The following MACF1 variants were observed in gnomAD, a reference collection of about 807,000 sequenced individuals.
MACF1 encodes the protein microtubule actin crosslinking factor 1.
In MACF1, 193 loss-of-function variants were observed where a neutral mutation model predicts 854.8. That is an observed-to-expected ratio of 0.23 (90% CI 0.20 to 0.25). The LOEUF is 0.25. MACF1 is among the 10% of genes least tolerant of loss of function. MACF1 has a pLI of 1.00. For synonymous variants in MACF1, 3,185 were observed against 3,226.7 expected, an observed-to-expected ratio of 0.99 and a Z score of 0.44; for missense variants, 7,722 against 8,929.1, an observed-to-expected ratio of 0.86 and a Z score of 5.45.
At chr1:39,297,147 C>T (rs559320099) in intron 20 of MACF1, among the ~76,000 whole-genome samples, 68 of 152,066 alleles carry the variant, frequency 4.5e-4, no homozygotes, top group Non-Finnish European at 8.2e-4. Context: ...AAGAAGGTCT[C>T]GATCTCCTGA....
chr1:39,445,153 T>C (rs1644199247), intron 80 of MACF1, among the ~76,000 whole-genome samples: 1 of 152,164 alleles, frequency 6.6e-6, no homozygotes, highest in Non-Finnish European at 1.5e-5. Flanking sequence ...GGTTGAGAGA[T>C]TGGGGACAGG....
Position 39,293,532 on chromosome 1 carries a change from C to A in MACF1, c.2067C>A (p.Ile689=), listed in dbSNP as rs749950701. The part of the protein sequence containing the change: ...KFVSRATAEL[I]WLNEKEEEEL... ...TTTCCAGAGCTACAGCTGAGTTGAT[C>A]TGGTTGAATGAGAAGGAGGAGGAGG... is the stretch of plus-strand genomic sequence containing the variant. Residue 689 remains isoleucine, a synonymous_variant, in exon 18 of 101, where the codon ATC becomes ATA. Transcript: ENST00000564288. 45 of 1,613,884 alleles carry A rather than the reference C, an allele frequency of 2.8e-5. No homozygotes were observed. The highest frequency in any genetic ancestry group is 3.5e-5 in the Non-Finnish European group (41 of 1,179,922).
chr1:39,202,689 C>T (rs1026902862), upstream of MACF1, among the ~76,000 whole-genome samples: 1 of 151,674 alleles, frequency 6.6e-6, no homozygotes, highest in Non-Finnish European at 1.5e-5. Flanking sequence ...ATCTCCTCTT[C>T]GTCTCCTTTA....
intron 2 of MACF1, among the ~76,000 whole-genome samples, chr1:39,168,819 G>C (rs1643908660): frequency 6.6e-6 from 1 of 151,834 alleles, no homozygotes; most frequent in African/African-American, 2.4e-5. Context: ...GTAGAGATGG[G>C]GGTCTCTGTG....
At chr1:39,193,249 G>A (rs544838946) in intron 2 of MACF1, among the ~76,000 whole-genome samples, 20 of 152,010 alleles carry the variant, frequency 1.3e-4, no homozygotes, top group African/African-American at 4.1e-4. Context: ...GGCTACCAGA[G>A]TTTCCTGGAA....
chr1:39,441,188 T>G (rs777789953), intron 73 of MACF1, 36 bp from the exon 74 acceptor site: 6 of 1,613,984 alleles, frequency 3.7e-6, no homozygotes, highest in Non-Finnish European at 5.1e-6. Flanking sequence ...AAGAGTGGTA[T>G]TGATTGAAGA....
At chr1:39,447,345 T>G in intron 80 of MACF1, 87 bp from the exon 81 acceptor site, 1 of 1,266,110 alleles carries the variant, frequency 7.9e-7, no homozygotes, top group South Asian at 1.4e-5. Flanking sequence ...TCATTTGTTG[T>G]ACAATTCATG....
intron 2 of MACF1, among the ~76,000 whole-genome samples, chr1:39,182,167 A>G (rs1644113445): frequency 1.3e-5 from 2 of 150,182 alleles, no homozygotes; most frequent in African/African-American, 2.5e-5. Flanking sequence ...AAAAAAAAAA[A>G]GAATTTAAAC....
chr1:39,143,702 T>A (rs1027533087), intron 2 of MACF1, among the ~76,000 whole-genome samples: 1 of 152,174 alleles, frequency 6.6e-6, no homozygotes, highest in African/African-American at 2.4e-5. Flanking sequence ...ACAGTGACAG[T>A]TGTCCTACAT....
intron 94 of MACF1, chr1:39,464,850 G>A: frequency 2.2e-6 from 1 of 446,970 alleles, no homozygotes. Context: ...GGGGTCGGAG[G>A]TTGCAGTGAG....
At chr1:39,356,273 T>G (rs1053229093) in intron 44 of MACF1, among the ~76,000 whole-genome samples, 3 of 152,132 alleles carry the variant, frequency 2.0e-5, no homozygotes, top group African/African-American at 7.2e-5. Context: ...TACCCAGAAA[T>G]ACAGTTTAAT....
At position 39,347,176 on chromosome 1, in the gene MACF1, A is replaced by G. The variant is rs558827223; in HGVS notation, c.10781A>G (p.His3594Arg). Residue 3594 changes from histidine (H) to arginine (R), a missense_variant, in exon 41 of 101, where the codon CAT becomes CGT. Coordinates refer to ENST00000564288, the MANE Select transcript of MACF1 (RefSeq NM_001394062.1). ...TAAQVDALQG[H>R]LQQMEQEALV... is the part of the protein sequence containing the mutation. Reference sequence around the variant, plus strand: ...GCTCAGGTGGATGCCTTGCAGGGCCATCTTCAACAAATGGAGCAGGAAGCC... The same window carrying G: ...GCTCAGGTGGATGCCTTGCAGGGCCGTCTTCAACAAATGGAGCAGGAAGCC... 1.2e-6 allele frequency: 2 copies of G among 1,613,980 alleles called. No individual in the cohort carries two copies. Among genetic ancestry groups the G allele is most frequent in the Admixed American group, 1.7e-5 (1 of 59,996 alleles).
In MACF1 at chr1:39,250,214, G is replaced by A. The variant is rs1460883028; in HGVS notation, c.261+111G>A. The A allele has an allele frequency of 6.6e-6, 4 of 606,050 alleles. No homozygotes were observed. In the Admixed American group the frequency reaches 8.2e-5, roughly 12 times the overall value. The allele number at this position is 606,050 out of a possible 1,614,324, so 37.5% of individuals were successfully genotyped here. ...CATCACTGTTTCATCTATTAGAGGG[G>A]AGGAAGAAGTAGAAGGAAATGTTGG... On this transcript the variant is annotated intron_variant, in intron 3 of 100. Coordinates refer to ENST00000564288, the MANE Select transcript of MACF1 (RefSeq NM_001394062.1).
At position 39,444,913 on chromosome 1, in the gene MACF1, A is replaced by C. The variant is rs971205311; in HGVS notation, c.19605+78A>C. Reference sequence around the variant, plus strand: ...AATAATTGCCATCTTATTTATATGAAGATTTTTTGAAGACCAGGGTATTGT... The same window carrying C: ...AATAATTGCCATCTTATTTATATGACGATTTTTTGAAGACCAGGGTATTGT... On this transcript the variant is annotated intron_variant, in intron 80 of 100. Transcript: ENST00000564288. The C allele has an allele frequency of 3.7e-6, 5 of 1,364,660 alleles. No homozygotes were observed. In the South Asian group the frequency reaches 4.5e-5, roughly 12 times the overall value. The allele number at this position is 1,364,660 out of a possible 1,614,324, so 84.5% of individuals were successfully genotyped here. A position where few individuals can be genotyped will look rare whatever the true frequency, so the allele number is the denominator to read the frequency against.
intron 65 of MACF1, among the ~76,000 whole-genome samples, chr1:39,430,479 A>G (rs922723264): frequency 1.1e-4 from 16 of 152,118 alleles, no homozygotes; most frequent in Non-Finnish European, 7.4e-5. Flanking sequence ...CCCAGAGACA[A>G]TGTGGCTCAA....
intron 15 of MACF1, among the ~76,000 whole-genome samples, chr1:39,288,653 T>C (rs534415102): frequency 1.3e-5 from 2 of 152,020 alleles, no homozygotes; most frequent in African/African-American, 4.8e-5. Context: ...TAACCGGGAA[T>C]GATGGCGCGC....
chr1:39,341,569 G>T (rs1389265489), intron 40 of MACF1, among the ~76,000 whole-genome samples: 4 of 151,484 alleles, frequency 2.6e-5, no homozygotes, highest in Admixed American at 1.3e-4. Flanking sequence ...GGTGTGGCAG[G>T]CACCCGTAAT....
At chr1:39,360,024 T>A (rs1159883528) in intron 47 of MACF1, among the ~76,000 whole-genome samples, 112 of 39,750 alleles carry the variant, frequency 2.8e-3, no homozygotes, top group African/African-American at 0.011. Flanking sequence ...TATATATATA[T>A]ATATATATAT....
At chr1:39,445,958 CAAAA>C (rs200988272) in intron 80 of MACF1, among the ~76,000 whole-genome samples, 1 of 151,482 alleles carries the variant, frequency 6.6e-6, no homozygotes, top group Non-Finnish European at 1.5e-5. Flanking sequence ...AACCTATCTC[CAAAA>C]AAAAGAGAAA....
Sources: allele counts gnomAD v4.1 joint callset (sites outside exome capture counted in the v4.1 genomes callset), GRCh38; gene constraint gnomAD v4.1.1; transcripts MANE v1.5; gene names NCBI Gene and HGNC (gene_info 2026-07-23, HGNC 2026-07-21).